The following PLXNA4 variants were observed in gnomAD, a reference collection of about 807,000 sequenced individuals.
PLXNA4 encodes the protein plexin A4, also known as plexin-A4.
A neutral mutation model predicts 191.8 loss-of-function variants in PLXNA4; 44 were observed. The ratio of observed to expected loss-of-function variants is 0.23; its 90% CI spans 0.18 to 0.29. The LOEUF is 0.29. PLXNA4 is among the 10% of genes least tolerant of loss of function. The pLI is 1.00. For synonymous variants in PLXNA4, 1,082 were observed against 1,009.5 expected (o/e 1.07, Z -1.36); for missense variants, 1,800 against 2,488.8 (o/e 0.72, Z 5.89).
chr7:132,562,263 T>C (rs1245610424), intron 1 of PLXNA4, among the ~76,000 whole-genome samples: 2 of 88,176 alleles, frequency 2.3e-5, no homozygotes, highest in Non-Finnish European at 4.4e-5. Context: ...CCTCCTCTTC[T>C]TTCTCTGCCT....
intron 4 of PLXNA4, among the ~76,000 whole-genome samples, chr7:132,276,074 T>C (rs1800267421): frequency 6.6e-6 from 1 of 152,212 alleles, no homozygotes; most frequent in Admixed American, 6.5e-5. Flanking sequence ...TATTCCATTA[T>C]AGCACTTATT....
At chr7:132,486,767 C>A (rs939778114) in intron 3 of PLXNA4, among the ~76,000 whole-genome samples, 2 of 152,200 alleles carry the variant, frequency 1.3e-5, no homozygotes, top group Admixed American at 1.3e-4. Flanking sequence ...ATGCCGGCCG[C>A]GGTTTATGAA....
rs574208750 is a variant in PLXNA4 at position 132,154,575 on chromosome 7, G to A, written c.4660+4898C>T. The stretch of plus-strand genomic sequence containing the variant: ...AGTTGTTGCTATTTGGGGATGCCTA[G>A]AGAGCGAAAGGCAAACGCAGGCTGA... On this transcript the variant is annotated intron_variant, in intron 25 of 31. Transcript: ENST00000321063. 1.5e-3 allele frequency among the ~76,000 whole-genome samples: 229 copies of A among 152,316 alleles called. 1 individual carries two copies. Among genetic ancestry groups the A allele is most frequent in the African/African-American group, 5.4e-3 (224 of 41,564 alleles).
At chr7:132,243,181 C>G (rs537994417) in intron 4 of PLXNA4, among the ~76,000 whole-genome samples, 3 of 152,064 alleles carry the variant, frequency 2.0e-5, no homozygotes, top group African/African-American at 7.2e-5. Context: ...AAACATAATG[C>G]ACAGAGGGAA....
At chr7:132,492,018 C>T (rs536405862) in intron 2 of PLXNA4, among the ~76,000 whole-genome samples, 1 of 152,184 alleles carries the variant, frequency 6.6e-6, no homozygotes, top group Admixed American at 6.5e-5. Context: ...GTTCCTGCTT[C>T]TGGTTCACAA....
intron 30 of PLXNA4, among the ~76,000 whole-genome samples, chr7:132,134,995 G>A (rs773112621): frequency 7.2e-5 from 11 of 152,156 alleles, no homozygotes; most frequent in African/African-American, 9.7e-5. Flanking sequence ...AAATTGCAGC[G>A]AGACTTGATT....
chr7:132,489,833 G>A (rs1469363538), intron 2 of PLXNA4, among the ~76,000 whole-genome samples: 1 of 152,208 alleles, frequency 6.6e-6, no homozygotes, highest in Non-Finnish European at 1.5e-5. Context: ...CCCTGGGTCA[G>A]CCCAGATGAG....
chr7:132,306,048 C>A (rs1801508110), intron 3 of PLXNA4, among the ~76,000 whole-genome samples: 1 of 152,156 alleles, frequency 6.6e-6, no homozygotes, highest in South Asian at 2.1e-4. Context: ...GAATTCCCCA[C>A]CTAGACCCTC....
At chr7:132,601,845 CT>C (rs1462033684) in intron 2 of PLXNA4, among the ~76,000 whole-genome samples, 1 of 152,190 alleles carries the variant, frequency 6.6e-6, no homozygotes, top group Non-Finnish European at 1.5e-5. Context: ...TGATCCTTTT[CT>C]GAAAGATGTC....
chr7:132,311,185 T>C (rs1225051105), intron 3 of PLXNA4, among the ~76,000 whole-genome samples: 8 of 136,484 alleles, frequency 5.9e-5, no homozygotes, highest in Non-Finnish European at 1.3e-4. Context: ...TGTGTGTGTG[T>C]GTGTGTGTGC....
chr7:132,327,309 G>T (rs1478426398), intron 3 of PLXNA4, among the ~76,000 whole-genome samples: 2 of 152,134 alleles, frequency 1.3e-5, no homozygotes, highest in African/African-American at 2.4e-5. Context: ...CCAGGGGTAG[G>T]TTGCAATCTA....
At chr7:132,380,465 AG>A (rs66740828) in intron 3 of PLXNA4, among the ~76,000 whole-genome samples, 25,610 of 152,126 alleles carry the variant, frequency 0.17, 2,769 homozygotes, top group African/African-American at 0.28. Flanking sequence ...AGAAGGACCA[AG>A]GCACCGAGGG....
intron 3 of PLXNA4, among the ~76,000 whole-genome samples, chr7:132,408,285 T>C (rs2117076517): frequency 6.6e-6 from 1 of 152,242 alleles, no homozygotes; most frequent in Non-Finnish European, 1.5e-5. Context: ...AGTATAATCT[T>C]ATCTATGGAA....
intron 24 of PLXNA4, among the ~76,000 whole-genome samples, chr7:132,160,328 G>C (rs918942122): frequency 6.6e-6 from 1 of 152,184 alleles, no homozygotes; most frequent in Non-Finnish European, 1.5e-5. Context: ...CCTGTGTTGG[G>C]GGAAGAGGCG....
intron 15 of PLXNA4, among the ~76,000 whole-genome samples, chr7:132,185,709 G>GT (rs973167254): frequency 7.2e-5 from 11 of 152,196 alleles, no homozygotes; most frequent in African/African-American, 2.4e-4. Flanking sequence ...GTCTAGCCTT[G>GT]TTTTTTAGCA....
Position 132,210,946 on chromosome 7 carries a change from G to A in PLXNA4, c.2295C>T (p.Thr765=), listed in dbSNP as rs754706036. 1 of 1,610,960 alleles carries A rather than the reference G, an allele frequency of 6.2e-7. No individual in the cohort carries two copies. Among genetic ancestry groups the A allele is most frequent in the Non-Finnish European group, 8.5e-7 (1 of 1,178,952 alleles). The change falls in exon 10 of 32, where the codon ACC becomes ACT. Residue 765 remains threonine, a synonymous_variant. Coordinates refer to ENST00000321063, the MANE Select transcript of PLXNA4 (RefSeq NM_020911.2). ...TGGGCAGGGTTGGGCGACTCACAGA[G>A]GTGTTCTGGCACTGTACGCTGGAGC... ...FNSSSVQCQN[T]SYSYEGMEIN... is the part of the protein sequence containing the mutation.
chr7:132,142,947 ACAGGGAAGC>A (rs1435220120), intron 29 of PLXNA4, among the ~76,000 whole-genome samples: 1 of 152,192 alleles, frequency 6.6e-6, no homozygotes, highest in Non-Finnish European at 1.5e-5. Flanking sequence ...GGCACAGCAA[ACAGGGAAGC>A]CACAGCACCC....
intron 3 of PLXNA4, among the ~76,000 whole-genome samples, chr7:132,375,835 G>C (rs1804637097): frequency 6.6e-6 from 1 of 152,212 alleles, no homozygotes; most frequent in Admixed American, 6.5e-5. Context: ...AGCACAAGTG[G>C]GGACTGCCAG....
chr7:132,405,787 G>A (rs970368339), intron 3 of PLXNA4, among the ~76,000 whole-genome samples: 2 of 152,198 alleles, frequency 1.3e-5, no homozygotes, highest in African/African-American at 4.8e-5. Flanking sequence ...ATCCTTTAGG[G>A]CAGTTTTAAA....
Sources: gnomAD v4.1 joint callset for allele counts (sites outside exome capture counted in the v4.1 genomes callset) on GRCh38, gnomAD v4.1.1 for gene constraint, MANE v1.5 for transcripts, NCBI Gene and HGNC (gene_info 2026-07-23, HGNC 2026-07-21) for gene names.